MAF: variants seen among roughly 807,000 people sequenced by gnomAD.
The protein encoded by MAF is MAF bZIP transcription factor.
Under a neutral mutation model 22.0 loss-of-function variants are expected in MAF, and 10 were observed. The observed-to-expected ratio is 0.45, with a 90% CI of 0.28 to 0.77. MAF has a LOEUF of 0.77. MAF is among the 30% of genes least tolerant of loss of function. The pLI is 0.12. For synonymous variants in MAF, 337 were observed against 255.8 expected (o/e 1.32, Z -3.03); for missense variants, 544 against 548.4 (o/e 0.99, Z 0.08).
the MAF span, among the ~76,000 whole-genome samples, chr16:79,314,888 C>T: frequency 6.6e-6 from 1 of 152,134 alleles, no homozygotes; most frequent in Admixed American, 6.5e-5. Context: ...CCCGGTGGGA[C>T]ACTTGGGCTT....
At position 79,600,138 on chromosome 16, in the gene MAF, C is replaced by T; in HGVS notation, c.-236G>A. On this transcript the variant is annotated 5_prime_UTR_variant, in exon 1 of 2. Transcript: ENST00000326043. ...CCCCCCTGCTCACGCCAATGTGCTCCCTCGCTCGCCCCGGCCCCTCCTTGC... is the reference window on the plus strand; with the variant it reads ...CCCCCCTGCTCACGCCAATGTGCTCTCTCGCTCGCCCCGGCCCCTCCTTGC... 1 of 491,322 alleles carries T rather than the reference C, an allele frequency of 2.0e-6. No homozygotes were observed. The highest frequency in any genetic ancestry group is 2.9e-5 in the South Asian group (1 of 34,048). 30.4% of individuals were successfully genotyped at this position (491,322 alleles called of 1,614,324 possible).
the MAF span, among the ~76,000 whole-genome samples, chr16:79,440,057 A>G: frequency 6.6e-6 from 1 of 152,138 alleles, no homozygotes; most frequent in African/African-American, 2.4e-5. Flanking sequence ...GCTCAGTTCT[A>G]TTTTCCACTT....
At chr16:79,566,619 G>T in the MAF span, among the ~76,000 whole-genome samples, 4,252 of 152,320 alleles carry the variant, frequency 0.028, 203 homozygotes, top group African/African-American at 0.096. Context: ...TGTGGATCTT[G>T]GGGGAAGAAG....
the MAF span, among the ~76,000 whole-genome samples, chr16:79,474,189 G>T: frequency 2.6e-5 from 4 of 152,236 alleles, no homozygotes; most frequent in Admixed American, 1.3e-4. Context: ...AAAGCTCAAG[G>T]GCTACCCCCT....
intron 1 of MAF, chr16:79,596,871 CT>C: frequency 3.8e-6 from 4 of 1,049,360 alleles, no homozygotes; most frequent in Non-Finnish European, 4.6e-6. Context: ...TATTAGCGTT[CT>C]AAACAGTTTT....
At chr16:79,573,155 T>C in the MAF span, among the ~76,000 whole-genome samples, 1 of 152,216 alleles carries the variant, frequency 6.6e-6, no homozygotes, top group Non-Finnish European at 1.5e-5. Flanking sequence ...GAGCTATTTA[T>C]ATTAAGGAAA....
chr16:79,327,526 A>T, the MAF span, among the ~76,000 whole-genome samples: 1 of 152,210 alleles, frequency 6.6e-6, no homozygotes, highest in Non-Finnish European at 1.5e-5. Context: ...TATTGATTTG[A>T]CAAGGTCACA....
chr16:79,551,976 A>AT, the MAF span, among the ~76,000 whole-genome samples: 1,487 of 151,542 alleles, frequency 9.8e-3, 13 homozygotes, highest in Middle Eastern at 0.037. Context: ...CACAGCTGTG[A>AT]TTTTTTTTTA....
chr16:79,269,494 C>T, the MAF span, among the ~76,000 whole-genome samples: 29 of 152,006 alleles, frequency 1.9e-4, no homozygotes, highest in Non-Finnish European at 3.2e-4. Context: ...AGCTCCCATC[C>T]CAAATGAGCC....
the MAF span, among the ~76,000 whole-genome samples, chr16:79,427,538 A>G: frequency 6.6e-6 from 1 of 152,290 alleles, no homozygotes; most frequent in East Asian, 1.9e-4. Context: ...GCTGGCGTGC[A>G]TTGGCAGCTG....
the MAF span, among the ~76,000 whole-genome samples, chr16:79,544,214 G>C: frequency 6.6e-6 from 1 of 152,126 alleles, no homozygotes; most frequent in African/African-American, 2.4e-5. Flanking sequence ...CAACACAGTA[G>C]GAACTAGCTA....
At chr16:79,598,455 TA>T (rs533404316) in intron 1 of MAF, 49,019 of 1,067,534 alleles carry the variant, frequency 0.046, 42 homozygotes, top group East Asian at 0.092. Context: ...CGGGGGGGTG[TA>T]AAAAAAAAAA....
At chr16:79,384,495 C>T in the MAF span, among the ~76,000 whole-genome samples, 6 of 149,120 alleles carry the variant, frequency 4.0e-5, no homozygotes, top group South Asian at 2.1e-4. Flanking sequence ...TGGTGGCTCA[C>T]GCCTGTAATC....
At chr16:79,566,099 C>G in the MAF span, among the ~76,000 whole-genome samples, 1 of 152,174 alleles carries the variant, frequency 6.6e-6, no homozygotes, top group Admixed American at 6.5e-5. Context: ...ACCCAACCAA[C>G]TCACAGGTAA....
chr16:79,542,756 CA>C, the MAF span, among the ~76,000 whole-genome samples: 1 of 152,210 alleles, frequency 6.6e-6, no homozygotes, highest in Admixed American at 6.5e-5. Flanking sequence ...ACTCATACCT[CA>C]ACCCCATAGC....
chr16:79,333,956 C>T, the MAF span, among the ~76,000 whole-genome samples: 67 of 152,348 alleles, frequency 4.4e-4, no homozygotes, highest in Non-Finnish European at 8.4e-4. Context: ...GATATAACCA[C>T]GTGTGGAAAC....
chr16:79,334,703 T>C, the MAF span, among the ~76,000 whole-genome samples: 705 of 152,180 alleles, frequency 4.6e-3, 5 homozygotes, highest in African/African-American at 0.016. Flanking sequence ...CCCATACCCA[T>C]GAAGCTGGGC....
the MAF span, among the ~76,000 whole-genome samples, chr16:79,292,608 A>G: frequency 2.0e-5 from 3 of 152,182 alleles, no homozygotes; most frequent in African/African-American, 7.2e-5. Context: ...AGGCAACTCC[A>G]TCTTGAATAG....
the MAF span, among the ~76,000 whole-genome samples, chr16:79,280,865 G>A: frequency 1.1e-4 from 17 of 152,252 alleles, no homozygotes; most frequent in Admixed American, 9.8e-4. Context: ...ACTCTGATGC[G>A]GATTCCTTAT....
Sources: gnomAD v4.1 joint callset for allele counts (sites outside exome capture counted in the v4.1 genomes callset) on GRCh38, gnomAD v4.1.1 for gene constraint, MANE v1.5 for transcripts, NCBI Gene and HGNC (gene_info 2026-07-23, HGNC 2026-07-21) for gene names.